ROBO1: variants seen among roughly 807,000 people sequenced by gnomAD.
ROBO1 encodes the protein roundabout homolog 1.
ROBO1 carries 149 observed loss-of-function variants against 195.9 expected under a neutral mutation model. That is an observed-to-expected ratio of 0.76 (90% CI 0.67 to 0.87). The LOEUF is 0.87. Ranked by LOEUF, ROBO1 falls within the 40% of genes least tolerant of loss-of-function variation. The pLI is 0.00. For synonymous variants in ROBO1, 816 were observed against 733.2 expected (o/e 1.11, Z -1.82); for missense variants, 1,933 against 2,068.3 (o/e 0.93, Z 1.27).
Position 78,639,812 on chromosome 3 carries a change from C to T in ROBO1, c.2969G>A (p.Cys990Tyr), listed in dbSNP as rs1313251908. The part of the protein sequence containing the change: ...WPNTGNNHND[C>Y]SISCCTAGNG... Reference sequence around the variant, plus strand: ...GCCTGCCGTGCAGCAGCTGATGGAGCAGTCATTGTGGTTGTTGCCAGTATT... The same window carrying T: ...GCCTGCCGTGCAGCAGCTGATGGAGTAGTCATTGTGGTTGTTGCCAGTATT... Residue 990 changes from cysteine to tyrosine, a missense_variant, in exon 22 of 31, where the codon TGC (cysteine) becomes TAC (tyrosine). This residue lies in a region of ROBO1 where 1,737 missense variants were observed against 1,882.5 expected (regional missense o/e 0.92). Coordinates refer to ENST00000464233, the MANE Select transcript of ROBO1 (RefSeq NM_002941.4). 6.2e-7 allele frequency: 1 copy of T among 1,613,356 alleles called. No homozygotes were observed. The highest frequency in any genetic ancestry group is 8.5e-7 in the Non-Finnish European group (1 of 1,179,636).
intron 2 of ROBO1, among the ~76,000 whole-genome samples, chr3:79,545,040 AT>A (rs1200685768): frequency 3.3e-5 from 5 of 152,098 alleles, no homozygotes; most frequent in African/African-American, 9.7e-5. Flanking sequence ...GATATTTAAT[AT>A]TTTTTTACCT....
intron 2 of ROBO1, among the ~76,000 whole-genome samples, chr3:79,462,628 G>A (rs371768862): frequency 1.3e-5 from 2 of 152,264 alleles, no homozygotes; most frequent in South Asian, 2.1e-4. Flanking sequence ...AGTTACCTAC[G>A]AAATAATATA....
chr3:79,624,576 C>T (rs1227245353), intron 1 of ROBO1, among the ~76,000 whole-genome samples: 1 of 151,836 alleles, frequency 6.6e-6, no homozygotes, highest in Non-Finnish European at 1.5e-5. Context: ...AGACTTTAAA[C>T]CAACAGAAAT....
intron 2 of ROBO1, among the ~76,000 whole-genome samples, chr3:79,212,575 C>A (rs112480612): frequency 1.3e-5 from 2 of 152,206 alleles, no homozygotes; most frequent in African/African-American, 4.8e-5. Flanking sequence ...AATCCCAGCA[C>A]TTTGGGAGAC....
In ROBO1 at chr3:78,668,530, T is replaced by G; in HGVS notation, c.1584A>C (p.Ser528=). ...TCCATGTTGCTTCACCACTGGGGGTTGATGCAATGCAGGTGTACCGACCAG... is the reference window on the plus strand; with the variant it reads ...TCCATGTTGCTTCACCACTGGGGGTGGATGCAATGCAGGTGTACCGACCAG... The part of the protein sequence containing the change: ...GDTGRYTCIA[S]TPSGEATWSA... Residue 528 remains serine (S), a synonymous_variant, in exon 12 of 31, where the codon TCA becomes TCC. Coordinates refer to ENST00000464233, the MANE Select transcript of ROBO1 (RefSeq NM_002941.4). 6.2e-7 allele frequency: 1 copy of G among 1,613,862 alleles called. No individual in the cohort carries two copies. The highest frequency in any genetic ancestry group is 8.5e-7 in the Non-Finnish European group (1 of 1,179,820).
intron 1 of ROBO1, among the ~76,000 whole-genome samples, chr3:79,735,108 G>T (rs1703324087): frequency 6.6e-6 from 1 of 152,196 alleles, no homozygotes; most frequent in Non-Finnish European, 1.5e-5. Context: ...ATAGGCGGAT[G>T]GATCCATACC....
intron 4 of ROBO1, among the ~76,000 whole-genome samples, chr3:78,808,195 G>A (rs1388183132): frequency 6.6e-6 from 1 of 151,836 alleles, no homozygotes; most frequent in Admixed American, 6.6e-5. Flanking sequence ...GCTGAAATGA[G>A]AATTATTTTA....
intron 3 of ROBO1, among the ~76,000 whole-genome samples, chr3:79,116,079 T>G (rs2079988256): frequency 6.6e-6 from 1 of 152,174 alleles, no homozygotes; most frequent in Non-Finnish European, 1.5e-5. Flanking sequence ...CTTACATTGC[T>G]TGTCTAGTAG....
At chr3:78,905,622 C>CA in intron 4 of ROBO1, among the ~76,000 whole-genome samples, 1 of 151,868 alleles carries the variant, frequency 6.6e-6, no homozygotes, top group Non-Finnish European at 1.5e-5. Context: ...AACACACACA[C>CA]ACAAAAACTC....
chr3:78,672,589 T>C (rs1708126809), intron 10 of ROBO1, among the ~76,000 whole-genome samples: 1 of 123,700 alleles, frequency 8.1e-6, no homozygotes, highest in Non-Finnish European at 1.7e-5. Context: ...AGTGAGACCC[T>C]GTCTCAAAAA....
At chr3:79,403,111 T>G (rs1179513242) in intron 2 of ROBO1, among the ~76,000 whole-genome samples, 2 of 151,902 alleles carry the variant, frequency 1.3e-5, no homozygotes, top group Non-Finnish European at 2.9e-5. Flanking sequence ...CAGTTTTATA[T>G]CACAAAAAAC....
chr3:78,975,070 A>T (rs146394641), intron 3 of ROBO1, among the ~76,000 whole-genome samples: 2,093 of 152,190 alleles, frequency 0.014, 39 homozygotes, highest in Middle Eastern at 0.095. Context: ...GGCCCTTCTA[A>T]TGTAAATTAG....
intron 3 of ROBO1, among the ~76,000 whole-genome samples, chr3:78,990,587 A>C (rs1481487694): frequency 6.6e-6 from 1 of 152,186 alleles, no homozygotes; most frequent in Non-Finnish European, 1.5e-5. Context: ...GAAATCATAG[A>C]CAAAAAATTT....
chr3:79,764,931 G>T (rs1203291134), intron 1 of ROBO1, among the ~76,000 whole-genome samples: 9 of 152,174 alleles, frequency 5.9e-5, no homozygotes, highest in Admixed American at 5.9e-4. Context: ...CTAGGCAGCT[G>T]TTGAGTCTCT....
intron 3 of ROBO1, among the ~76,000 whole-genome samples, chr3:79,069,386 T>G (rs570986839): frequency 1.5e-3 from 227 of 152,014 alleles, no homozygotes; most frequent in African/African-American, 5.2e-3. Flanking sequence ...ATTCTTTATT[T>G]GTATTTATTC....
intron 2 of ROBO1, among the ~76,000 whole-genome samples, chr3:79,471,666 T>G (rs1431445145): frequency 2.0e-5 from 3 of 152,092 alleles, no homozygotes; most frequent in African/African-American, 7.2e-5. Context: ...AAAATTTTGA[T>G]TCCTTTTTGT....
At chr3:79,495,154 C>T (rs906821548) in intron 2 of ROBO1, among the ~76,000 whole-genome samples, 3 of 152,010 alleles carry the variant, frequency 2.0e-5, no homozygotes, top group African/African-American at 7.2e-5. Context: ...ATTTAATAAG[C>T]ATTTTTGAAC....
intron 4 of ROBO1, among the ~76,000 whole-genome samples, chr3:78,818,827 G>A (rs560076868): frequency 1.3e-5 from 2 of 152,260 alleles, no homozygotes; most frequent in South Asian, 2.1e-4. Context: ...TTTCGCTTTC[G>A]GAGGTTTCAG....
intron 2 of ROBO1, among the ~76,000 whole-genome samples, chr3:79,556,411 T>G (rs1471228591): frequency 2.6e-5 from 4 of 152,116 alleles, no homozygotes; most frequent in Admixed American, 6.6e-5. Context: ...CAGCATGAAG[T>G]ATGTACTGGT....
Sources: allele counts gnomAD v4.1 joint callset (sites outside exome capture counted in the v4.1 genomes callset), GRCh38; gene constraint gnomAD v4.1.1; regional missense constraint gnomAD v4.1.1; transcripts MANE v1.5; gene names NCBI Gene and HGNC (gene_info 2026-07-23, HGNC 2026-07-21).